The following EPHA6 variants were observed in gnomAD, a reference collection of about 807,000 sequenced individuals.
EPHA6 encodes the protein EPH receptor A6.
EPHA6 carries 50 observed loss-of-function variants against 112.0 expected under a neutral mutation model. That is an observed-to-expected ratio of 0.45 (90% confidence interval 0.36 to 0.56). The LOEUF (loss-of-function observed/expected upper bound fraction) is 0.56. Ranked by LOEUF, EPHA6 falls within the 20% of genes least tolerant of loss-of-function variation. The pLI, the probability that EPHA6 is intolerant of heterozygous loss-of-function variation, is 0.00. For synonymous variants in EPHA6, 529 were observed against 490.7 expected (o/e 1.08, Z -1.03); for missense variants, 1,280 against 1,417.4 (o/e 0.90, Z 1.56).
chr3:97,053,368 A>T (rs564728832), intron 3 of EPHA6, among the ~76,000 whole-genome samples: 30 of 152,224 alleles, frequency 2.0e-4, no homozygotes, highest in Non-Finnish European at 2.6e-4. Flanking sequence ...ACATGGGAAC[A>T]TGTGCTGGTA....
At chr3:97,576,360 G>C (rs995992984) in intron 11 of EPHA6, among the ~76,000 whole-genome samples, 3 of 152,016 alleles carry the variant, frequency 2.0e-5, no homozygotes, top group Non-Finnish European at 2.9e-5. Flanking sequence ...TGAAAGAAAG[G>C]GTTTATCAAT....
At chr3:97,346,782 G>A (rs2083555636) in intron 5 of EPHA6, among the ~76,000 whole-genome samples, 2 of 151,874 alleles carry the variant, frequency 1.3e-5, no homozygotes, top group African/African-American at 4.8e-5. Flanking sequence ...ACATAGTCAT[G>A]GACATTATCA....
chr3:96,968,498 A>G (rs1478392755), intron 2 of EPHA6, among the ~76,000 whole-genome samples: 5 of 151,724 alleles, frequency 3.3e-5, no homozygotes, highest in African/African-American at 1.2e-4. Flanking sequence ...TCTTAAGAAT[A>G]TTGGATTAAT....
At chr3:97,166,245 C>T (rs370732727) in intron 3 of EPHA6, among the ~76,000 whole-genome samples, 2 of 151,716 alleles carry the variant, frequency 1.3e-5, no homozygotes, top group South Asian at 2.1e-4. Flanking sequence ...ACACTTTAAA[C>T]AATTAGTTTG....
chr3:97,111,324 T>C (rs1437960964), intron 3 of EPHA6, among the ~76,000 whole-genome samples: 2 of 152,296 alleles, frequency 1.3e-5, no homozygotes, highest in South Asian at 4.1e-4. Flanking sequence ...GTGGTGTTCA[T>C]TTATTGTGTG....
intron 3 of EPHA6, among the ~76,000 whole-genome samples, chr3:97,127,793 G>A (rs2048223610): frequency 6.6e-6 from 1 of 151,206 alleles, no homozygotes; most frequent in Non-Finnish European, 1.5e-5. Flanking sequence ...GTCATATTTG[G>A]ACATAGTGTA....
intron 2 of EPHA6, among the ~76,000 whole-genome samples, chr3:96,944,954 A>T (rs530310558): frequency 2.0e-5 from 3 of 152,158 alleles, no homozygotes; most frequent in South Asian, 4.1e-4. Context: ...ACAAACAAAC[A>T]ACAAAAACAA....
At chr3:97,675,522 A>T (rs1215642758) in intron 14 of EPHA6, among the ~76,000 whole-genome samples, 1 of 152,078 alleles carries the variant, frequency 6.6e-6, no homozygotes, top group Non-Finnish European at 1.5e-5. Flanking sequence ...AGAAAGTGAC[A>T]TCCCAAAGAA....
chr3:96,880,934 A>T (rs1576223131), intron 2 of EPHA6, among the ~76,000 whole-genome samples: 1 of 152,144 alleles, frequency 6.6e-6, no homozygotes, highest in African/African-American at 2.4e-5. Flanking sequence ...ATTAATGAAC[A>T]TTTGGGCTTT....
At chr3:96,925,393 A>G (rs2039980749) in intron 2 of EPHA6, among the ~76,000 whole-genome samples, 2 of 152,060 alleles carry the variant, frequency 1.3e-5, no homozygotes, top group Non-Finnish European at 2.9e-5. Context: ...TGTGTCCAGA[A>G]TTTATCCATT....
intron 2 of EPHA6, among the ~76,000 whole-genome samples, chr3:96,922,932 C>T (rs2039847794): frequency 6.6e-6 from 1 of 152,060 alleles, no homozygotes; most frequent in African/African-American, 2.4e-5. Context: ...TGTTAGTTTG[C>T]TTCCAATTCC....
At chr3:97,087,896 T>G (rs1396041176) in intron 3 of EPHA6, among the ~76,000 whole-genome samples, 1 of 152,074 alleles carries the variant, frequency 6.6e-6, no homozygotes, top group Admixed American at 6.6e-5. Flanking sequence ...CATTAAAATT[T>G]TTTTCGGCCG....
intron 2 of EPHA6, among the ~76,000 whole-genome samples, chr3:96,960,982 C>A (rs1279297576): frequency 6.6e-6 from 1 of 152,178 alleles, no homozygotes; most frequent in East Asian, 1.9e-4. Flanking sequence ...ATTAGCCAGG[C>A]CTTGCAGGTC....
chr3:97,259,237 G>GA (rs903718080), intron 5 of EPHA6, among the ~76,000 whole-genome samples: 37 of 151,674 alleles, frequency 2.4e-4, no homozygotes, highest in African/African-American at 8.2e-4. Context: ...GTTGGCATTT[G>GA]AAAAAAAATC....
chr3:97,422,698 A>G (rs1354207847), intron 6 of EPHA6, among the ~76,000 whole-genome samples: 1 of 152,158 alleles, frequency 6.6e-6, no homozygotes, highest in Admixed American at 6.6e-5. Context: ...TTCTCAACAA[A>G]TTACAAAATC....
chr3:97,484,701 T>C (rs1187906599), intron 10 of EPHA6, among the ~76,000 whole-genome samples: 1 of 152,166 alleles, frequency 6.6e-6, no homozygotes, highest in African/African-American at 2.4e-5. Context: ...CCAAGGTGAA[T>C]AGTCCATGCT....
At chr3:97,317,235 A>G (rs1415492011) in intron 5 of EPHA6, among the ~76,000 whole-genome samples, 4 of 151,962 alleles carry the variant, frequency 2.6e-5, no homozygotes, top group Non-Finnish European at 5.9e-5. Flanking sequence ...AAGAAGATCA[A>G]CAAAATCCAT....
chr3:97,150,102 C>A (rs908270534), intron 3 of EPHA6, among the ~76,000 whole-genome samples: 1 of 151,786 alleles, frequency 6.6e-6, no homozygotes, highest in African/African-American at 2.4e-5. Flanking sequence ...AGTAATTATT[C>A]TTTCTGTTTG....
chr3:97,215,954 A>G (rs1182030701), intron 3 of EPHA6, among the ~76,000 whole-genome samples: 1 of 152,168 alleles, frequency 6.6e-6, no homozygotes, highest in Non-Finnish European at 1.5e-5. Flanking sequence ...ACAATTCACT[A>G]ACAGGAATAA....
Sources: gnomAD v4.1 joint callset for allele counts (sites outside exome capture counted in the v4.1 genomes callset) on GRCh38, gnomAD v4.1.1 for gene constraint, MANE v1.5 for transcripts, NCBI Gene and HGNC (gene_info 2026-07-23, HGNC 2026-07-21) for gene names.